The following LPP variants were observed in gnomAD, a reference collection of about 807,000 sequenced individuals.
The protein encoded by LPP is lipoma-preferred partner.
A neutral mutation model predicts 60.4 loss-of-function variants in LPP; 38 were observed. That is an observed-to-expected ratio of 0.63 (90% CI 0.49 to 0.83). The LOEUF (loss-of-function observed/expected upper bound fraction) is 0.83, where lower values mean the gene tolerates loss of function less well. Ranked by LOEUF, LPP falls within the 40% of genes least tolerant of loss-of-function variation. The probability of loss-of-function intolerance (pLI) is 0.00; values close to 1 mark genes in which losing one functional copy is unlikely to be tolerated. For synonymous variants in LPP, 328 were observed against 290.8 expected (o/e 1.13, Z -1.30); for missense variants, 902 against 783.6 (o/e 1.15, Z -1.80).
At chr3:188,753,964 A>G (rs1560158554) in intron 8 of LPP, among the ~76,000 whole-genome samples, 1 of 152,200 alleles carries the variant, frequency 6.6e-6, no homozygotes, top group African/African-American at 2.4e-5. Context: ...ATATGATAAA[A>G]ACTCTTGTAT....
intron 3 of LPP, among the ~76,000 whole-genome samples, chr3:188,393,632 A>C (rs1403335413): frequency 2.6e-5 from 4 of 152,244 alleles, no homozygotes; most frequent in Non-Finnish European, 4.4e-5. Flanking sequence ...ATGTATGGTC[A>C]TCCTAATTAT....
rs550028565 is a variant in LPP at position 188,174,613 on chromosome 3, A to G, written c.-190+20361A>G. Among the ~76,000 whole-genome samples the G allele has an allele frequency of 1.5e-4, 23 of 152,232 alleles. No individual in the cohort carries two copies. The East Asian group carries it at 4.1e-3, about 27-fold the overall frequency. On this transcript the variant is annotated intron_variant, in intron 1 of 11. Transcript: ENST00000617246. ...AACCCTGGAGACATAAATACCCTGT[A>G]TATCTTCCTTATCCTGCCATTTATG...
chr3:188,620,531 A>G (rs776444821), intron 7 of LPP, among the ~76,000 whole-genome samples: 9 of 152,164 alleles, frequency 5.9e-5, no homozygotes, highest in Non-Finnish European at 1.2e-4. Context: ...CATTGTATGA[A>G]TACATCACAT....
At chr3:188,183,924 C>A (rs569826012) in intron 1 of LPP, among the ~76,000 whole-genome samples, 1 of 152,206 alleles carries the variant, frequency 6.6e-6, no homozygotes, top group East Asian at 1.9e-4. Context: ...AAGCAAAAAG[C>A]CCATAGAGAT....
intron 5 of LPP, among the ~76,000 whole-genome samples, chr3:188,492,854 C>G (rs1808810911): frequency 6.6e-6 from 1 of 152,190 alleles, no homozygotes; most frequent in South Asian, 2.1e-4. Context: ...CTTTTCTTCC[C>G]TGCTCCATCC....
chr3:188,270,419 TC>T (rs1440978974), intron 2 of LPP, among the ~76,000 whole-genome samples: 1 of 152,178 alleles, frequency 6.6e-6, no homozygotes, highest in African/African-American at 2.4e-5. Flanking sequence ...AGAAGAATCT[TC>T]CTCTTCTCAA....
chr3:188,437,573 A>G (rs958638464), intron 4 of LPP, among the ~76,000 whole-genome samples: 5 of 152,230 alleles, frequency 3.3e-5, no homozygotes, highest in Non-Finnish European at 7.3e-5. Context: ...AGTCTTTGCC[A>G]ATATATGTTT....
chr3:188,419,863 G>A (rs1021898607), intron 4 of LPP, among the ~76,000 whole-genome samples: 6 of 152,078 alleles, frequency 3.9e-5, no homozygotes, highest in East Asian at 1.9e-4. Flanking sequence ...CAGCCTAGGC[G>A]TCAGAGTAAG....
At chr3:188,280,640 G>T (rs1411430506) in intron 2 of LPP, among the ~76,000 whole-genome samples, 1 of 151,768 alleles carries the variant, frequency 6.6e-6, no homozygotes, top group South Asian at 2.1e-4. Flanking sequence ...AGTTGTCGAC[G>T]GTCCTATGTA....
intron 4 of LPP, among the ~76,000 whole-genome samples, chr3:188,431,621 A>C (rs138462808): frequency 6.6e-6 from 1 of 152,152 alleles, no homozygotes; most frequent in Non-Finnish European, 1.5e-5. Flanking sequence ...ATTACTGTAC[A>C]AGACAAGAGT....
chr3:188,479,124 G>A (rs563575484), intron 4 of LPP, among the ~76,000 whole-genome samples: 3 of 152,208 alleles, frequency 2.0e-5, no homozygotes, highest in African/African-American at 7.2e-5. Context: ...GATTAAAAAA[G>A]TGTTCACCTT....
In LPP at chr3:188,609,167, A is replaced by G. The variant is rs35417432; in HGVS notation, c.436A>G (p.Thr146Ala). 9.8e-3 allele frequency: 15,734 copies of G among 1,600,794 alleles called. 1,267 individuals carry two copies. In the African/African-American group the frequency reaches 0.18, roughly 19 times the overall value. ...PYKPRPPQSS[T>A]GSTASPPVST... ...TTTTTCCTATTCTTTTTAGAGCTCC[A>G]CTGGTTCAACAGCCTCTCCTCCAGT... is the stretch of plus-strand genomic sequence containing the variant. The change falls in exon 7 of 12, where the codon ACT (threonine) becomes GCT (alanine). Residue 146 changes from threonine (T) to alanine (A), a missense_variant. Coordinates refer to ENST00000617246, the MANE Select transcript of LPP (RefSeq NM_001375462.1). This position sits in a 1 kb window ranked among gnomAD's most constrained non-coding sequence, Gnocchi z 6.9.
chr3:188,428,882 T>C (rs1249558619), intron 4 of LPP, among the ~76,000 whole-genome samples: 1 of 152,112 alleles, frequency 6.6e-6, no homozygotes, highest in Non-Finnish European at 1.5e-5. Context: ...AAATTGTAAC[T>C]ACCTGCCCTT....
intron 6 of LPP, among the ~76,000 whole-genome samples, chr3:188,535,555 T>A (rs1823347372): frequency 6.6e-6 from 1 of 152,188 alleles, no homozygotes; most frequent in South Asian, 2.1e-4. Flanking sequence ...TATAGCTGCT[T>A]TGTGATTTTT....
At chr3:188,264,809 T>C (rs967503544) in intron 2 of LPP, among the ~76,000 whole-genome samples, 1 of 152,212 alleles carries the variant, frequency 6.6e-6, no homozygotes, top group Non-Finnish European at 1.5e-5. Context: ...TCTCTCTCTT[T>C]CTTTTCTTTC....
chr3:188,864,428 T>C (rs1766069416), intron 9 of LPP, among the ~76,000 whole-genome samples: 1 of 152,244 alleles, frequency 6.6e-6, no homozygotes, highest in South Asian at 2.1e-4. Context: ...GAGAAATACA[T>C]TCTTAAGACA....
At chr3:188,512,193 T>C (rs1815896341) in intron 5 of LPP, among the ~76,000 whole-genome samples, 1 of 152,206 alleles carries the variant, frequency 6.6e-6, no homozygotes. Context: ...CTTGCAGTTG[T>C]TCAAACATCT....
intron 8 of LPP, among the ~76,000 whole-genome samples, chr3:188,723,016 G>A (rs113086032): frequency 0.011 from 1,648 of 152,268 alleles, 41 homozygotes; most frequent in African/African-American, 0.038. Context: ...TACAAAAAGT[G>A]TTTTTTAGTC....
chr3:188,652,525 A>T (rs989037689), intron 7 of LPP, among the ~76,000 whole-genome samples: 3 of 152,048 alleles, frequency 2.0e-5, no homozygotes, highest in African/African-American at 4.8e-5. Context: ...TGCAAAACAG[A>T]ACCGATTCTG....
Sources: allele counts gnomAD v4.1 joint callset (sites outside exome capture counted in the v4.1 genomes callset), GRCh38; gene constraint gnomAD v4.1.1; non-coding constraint Gnocchi (gnomAD v3.1); transcripts MANE v1.5; gene names NCBI Gene and HGNC (gene_info 2026-07-23, HGNC 2026-07-21).